EWSR1: variants seen among roughly 807,000 people sequenced by gnomAD.
EWSR1 encodes RNA-binding protein EWS.
EWSR1 carries 14 observed loss-of-function variants against 92.1 expected under a neutral mutation model. The observed-to-expected ratio is 0.15, with a 90% confidence interval of 0.10 to 0.24. The LOEUF (loss-of-function observed/expected upper bound fraction) is 0.24. EWSR1 is among the 10% of genes least tolerant of loss of function. The pLI is 1.00. For synonymous variants in EWSR1, 303 were observed against 292.9 expected (o/e 1.03, Z -0.35); for missense variants, 637 against 870.9 (o/e 0.73, Z 3.38).
intron 7 of EWSR1, among the ~76,000 whole-genome samples, chr22:29,288,229 C>G (rs939809797): frequency 6.6e-6 from 1 of 152,196 alleles, no homozygotes; most frequent in East Asian, 1.9e-4. Flanking sequence ...AGCTCAGCCC[C>G]TAGCAGTGTG....
intron 5 of EWSR1, among the ~76,000 whole-genome samples, chr22:29,279,816 T>G (rs905319380): frequency 6.6e-6 from 1 of 152,230 alleles, no homozygotes; most frequent in African/African-American, 2.4e-5. Flanking sequence ...CTGAAAGGCC[T>G]CATTTCCGAG....
chr22:29,275,598 TAGC>T (rs2059044284), intron 4 of EWSR1: 2 of 229,048 alleles, frequency 8.7e-6, no homozygotes, highest in African/African-American at 4.4e-5. Context: ...GAACAAAACT[TAGC>T]AGGAGCCTAA....
intron 13 of EWSR1, among the ~76,000 whole-genome samples, chr22:29,298,484 G>A (rs1186087162): frequency 6.8e-6 from 1 of 147,540 alleles, no homozygotes; most frequent in Non-Finnish European, 1.5e-5. Context: ...TCCAGCCTGG[G>A]CAACAGTGTG....
At chr22:29,277,206 G>A (rs1245468780) in intron 4 of EWSR1, 4 of 225,686 alleles carry the variant, frequency 1.8e-5, no homozygotes, top group Non-Finnish European at 3.5e-5. Context: ...TGAAGGGGAG[G>A]AGAGACTCTA....
chr22:29,277,126 A>T (rs1256026281), intron 4 of EWSR1: 5 of 227,652 alleles, frequency 2.2e-5, no homozygotes, highest in Non-Finnish European at 4.4e-5. Flanking sequence ...GGAGCTAGGG[A>T]TAGAATGCAT....
In EWSR1 at chr22:29,295,930, G is replaced by A. The variant is rs79684534; in HGVS notation, c.1165-309G>A. 0.045 allele frequency: 14,561 copies of A among 321,036 alleles called. 459 individuals are homozygous for A. The highest frequency in any genetic ancestry group is 0.064 in the Middle Eastern group (72 of 1,120). 19.9% of individuals were successfully genotyped at this position (321,036 alleles called of 1,614,324 possible). A position where few individuals can be genotyped will look rare whatever the true frequency, so the allele number is the denominator to read the frequency against. ...GTCTGACTACCCCTACGAGGTGGCT[G>A]TGCTCAGTGGATACCTGTCTGGGCA... On this transcript the variant is annotated intron_variant, in intron 11 of 16. Coordinates refer to ENST00000397938, the MANE Select transcript of EWSR1 (RefSeq NM_005243.4).
intron 7 of EWSR1, among the ~76,000 whole-genome samples, chr22:29,287,499 C>T (rs947064539): frequency 4.6e-5 from 7 of 152,154 alleles, no homozygotes; most frequent in Non-Finnish European, 7.4e-5. Context: ...TGAGCCACTG[C>T]GCCCAGCCAC....
At position 29,268,328 on chromosome 22, in the gene EWSR1, G is replaced by C; in HGVS notation, c.-9G>C. 1 of 1,614,080 alleles carries C rather than the reference G, an allele frequency of 6.2e-7. No individual in the cohort carries two copies. Among genetic ancestry groups the C allele is most frequent in the Non-Finnish European group, 8.5e-7 (1 of 1,179,926 alleles). Reference sequence around the variant, plus strand: ...CGGACGTTGAGAGAACGAGGAGGAAGGAGAGAAAATGGCGTCCACGGGTGA... The same window carrying C: ...CGGACGTTGAGAGAACGAGGAGGAACGAGAGAAAATGGCGTCCACGGGTGA... On this transcript the variant is annotated 5_prime_UTR_variant, in exon 1 of 17. Coordinates refer to ENST00000397938, the MANE Select transcript of EWSR1 (RefSeq NM_005243.4).
Position 29,288,776 on chromosome 22 carries a change from G to A in EWSR1, c.964G>A (p.Gly322Ser), listed in dbSNP as rs1194178305. Residue 322 changes from glycine (G) to serine (S), a missense_variant, in exon 8 of 17, where the codon GGT becomes AGT. Gly to Ser is a moderately conservative substitution (Grantham distance 56). Transcript: ENST00000397938. ...CAGAGGTGGGCGGGGAGGAGGACGC[G>A]GTGGAATGGGGTAAGAGCAAACCTT... is the stretch of plus-strand genomic sequence containing the variant. ...MSRGGRGGGR[G>S]GMGSAGERGG... The A allele has an allele frequency of 6.8e-6, 11 of 1,608,830 alleles. No homozygotes were observed. The highest frequency in any genetic ancestry group is 1.7e-5 in the Admixed American group (1 of 59,158).
At chr22:29,299,373 C>CTAAACCTCTTTT (rs765430511) in intron 15 of EWSR1, 42 bp downstream of exon 15, 11 of 1,585,442 alleles carry the variant, frequency 6.9e-6, no homozygotes, top group Non-Finnish European at 7.7e-6. Context: ...CTTCCTGGTG[C>CTAAACCTCTTTT]TAAACCTCTT....
chr22:29,299,393 G>A, intron 15 of EWSR1, 62 bp downstream of exon 15: 1 of 1,562,916 alleles, frequency 6.4e-7, no homozygotes, highest in Non-Finnish European at 8.7e-7. Context: ...TTTCTTATTT[G>A]TGGGCTTGGT....
rs1331110014 is a variant in EWSR1, at chr22:29,268,308, G to A, written c.-29G>A. The A allele has an allele frequency of 1.2e-6, 2 of 1,612,916 alleles. No individual in the cohort carries two copies. The highest frequency in any genetic ancestry group is 1.7e-5 in the Admixed American group (1 of 60,038). On this transcript the variant is annotated 5_prime_UTR_variant, in exon 1 of 17. Transcript: ENST00000397938. ...GAGGGAAAGCGAGAGGGAGACGGAC[G>A]TTGAGAGAACGAGGAGGAAGGAGAG...
chr22:29,274,317 G>A, intron 4 of EWSR1: 2 of 1,610,744 alleles, frequency 1.2e-6, no homozygotes, highest in Non-Finnish European at 1.7e-6. Flanking sequence ...CATGGGAAAT[G>A]CTTTCCATCT....
chr22:29,269,243 T>G (rs2058439473), intron 1 of EWSR1: 1 of 152,276 alleles, frequency 6.6e-6, no homozygotes, highest in African/African-American at 2.4e-5. Flanking sequence ...GTTTCAGCAG[T>G]GGCCTCGCAC....
At chr22:29,278,414 C>T (rs931851055) in intron 5 of EWSR1, among the ~76,000 whole-genome samples, 198 bp downstream of exon 5, 5 of 152,200 alleles carry the variant, frequency 3.3e-5, no homozygotes, top group Non-Finnish European at 5.9e-5. Context: ...TGGCTGGGCG[C>T]GGTTTCTCAT....
Position 29,273,831 on chromosome 22 carries a change from G to A in EWSR1, c.193G>A (p.Ala65Thr). 1.2e-6 allele frequency: 2 copies of A among 1,613,946 alleles called. No individual in the cohort carries two copies. The highest frequency in any genetic ancestry group is 1.7e-6 in the Non-Finnish European group (2 of 1,179,912). ...AQTTATYGQT[A>T]YATSYGQPPT... ...GACCACTGCAACCTATGGGCAGACC[G>A]CCTATGCAACTTCTTATGGACAGCC... Residue 65 changes from alanine to threonine, a missense_variant, in exon 4 of 17, where the codon GCC (alanine) becomes ACC (threonine). Transcript: ENST00000397938.
Position 29,286,910 on chromosome 22 carries a change from C to G in EWSR1, c.582-13C>G. ...AAAAAAGCTTTTTTTTTTTTCTCTT[C>G]TCTCTCTTTCAGCTATTCCTCTACA... On this transcript the variant is annotated splice_polypyrimidine_tract_variant and intron_variant, in intron 6 of 16. Coordinates refer to ENST00000397938, the MANE Select transcript of EWSR1 (RefSeq NM_005243.4). The G allele has an allele frequency of 6.5e-7, 1 of 1,546,654 alleles. No individual in the cohort carries two copies. The highest frequency in any genetic ancestry group is 8.8e-7 in the Non-Finnish European group (1 of 1,138,600).
At chr22:29,298,632 C>A in intron 13 of EWSR1, 101 bp from the exon 14 acceptor site, 2 of 1,406,168 alleles carry the variant, frequency 1.4e-6, no homozygotes, top group Non-Finnish European at 2.0e-6. Context: ...GGGGAAATGA[C>A]AGCAGTAGTA....
At chr22:29,279,132 AGT>A (rs113678944) in intron 5 of EWSR1, among the ~76,000 whole-genome samples, 4 of 151,568 alleles carry the variant, frequency 2.6e-5, no homozygotes, top group Non-Finnish European at 4.4e-5. Flanking sequence ...AGAGAGAGAG[AGT>A]GTGTGTGTGT....
Sources: allele counts gnomAD v4.1 joint callset (sites outside exome capture counted in the v4.1 genomes callset), GRCh38; gene constraint gnomAD v4.1.1; transcripts MANE v1.5; gene names NCBI Gene and HGNC (gene_info 2026-07-23, HGNC 2026-07-21).